PHF20: variants seen among roughly 807,000 people sequenced by gnomAD.
PHF20 encodes glioma-expressed antigen 2.
A neutral mutation model predicts 113.5 loss-of-function variants in PHF20; 23 were observed. That is an observed-to-expected ratio of 0.20 (90% confidence interval 0.15 to 0.29). The LOEUF (loss-of-function observed/expected upper bound fraction) is 0.29, where lower values mean the gene tolerates loss of function less well. Ranked by LOEUF, PHF20 falls within the 10% of genes least tolerant of loss-of-function variation. The probability of loss-of-function intolerance (pLI) is 1.00; values close to 1 mark genes in which losing one functional copy is unlikely to be tolerated. For synonymous variants in PHF20, 434 were observed against 457.3 expected, an observed-to-expected ratio of 0.95 and a Z score of 0.65; for missense variants, 943 against 1,219.6, an observed-to-expected ratio of 0.77 and a Z score of 3.38.
intron 2 of PHF20, among the ~76,000 whole-genome samples, chr20:35,820,946 A>C (rs2042157988): frequency 6.6e-6 from 1 of 152,066 alleles, no homozygotes; most frequent in Non-Finnish European, 1.5e-5. Flanking sequence ...GCCCTGGCGT[A>C]GGAGCAAGCA....
chr20:35,817,561 A>G lies in PHF20; in HGVS notation c.83+15956A>G, dbSNP rs1850613758. On this transcript the variant is annotated intron_variant, in intron 2 of 17. Transcript: ENST00000374012. ...TGCAATCCCAGCACTTTGGGAGGCC[A>G]AGGTGGGCATATTGCTTTGAGCTCA... Among the ~76,000 whole-genome samples, 2 of 151,892 alleles carry G rather than the reference A, an allele frequency of 1.3e-5. 1 individual carries two copies. The highest frequency in any genetic ancestry group is 3.9e-4 in the East Asian group (2 of 5,140).
intron 2 of PHF20, among the ~76,000 whole-genome samples, chr20:35,830,092 T>C (rs1956123336): frequency 6.6e-6 from 1 of 152,052 alleles, no homozygotes; most frequent in African/African-American, 2.4e-5. Flanking sequence ...TTTTTGTATT[T>C]TAGTAGAGAC....
chr20:35,838,402 T>C (rs374605244), intron 2 of PHF20: 7 of 152,304 alleles, frequency 4.6e-5, no homozygotes, highest in African/African-American at 1.7e-4. Flanking sequence ...ACCGGGTTAC[T>C]TGATCCTCCT....
At chr20:35,823,528 G>T (rs2042209428) in intron 2 of PHF20, among the ~76,000 whole-genome samples, 2 of 150,880 alleles carry the variant, frequency 1.3e-5, no homozygotes, top group Admixed American at 1.3e-4. Context: ...GGAGGCTGGG[G>T]TGGGAGGAAG....
chr20:35,856,083 A>G (rs1004618166), intron 4 of PHF20, among the ~76,000 whole-genome samples: 4 of 151,998 alleles, frequency 2.6e-5, no homozygotes, highest in African/African-American at 9.6e-5. Context: ...CCCCTTAACC[A>G]TCGACACGTT....
intron 10 of PHF20, among the ~76,000 whole-genome samples, chr20:35,903,612 G>A (rs2055144883): frequency 6.6e-6 from 1 of 152,150 alleles, no homozygotes; most frequent in Non-Finnish European, 1.5e-5. Context: ...TTACCCAAAT[G>A]TATCTCCCAT....
At chr20:35,807,411 A>G (rs1003242217) in intron 2 of PHF20, among the ~76,000 whole-genome samples, 1 of 141,530 alleles carries the variant, frequency 7.1e-6, no homozygotes, top group Non-Finnish European at 1.5e-5. Flanking sequence ...AAAGTGCAGT[A>G]GAGCGATTTG....
intron 6 of PHF20, 79 bp downstream of exon 6, chr20:35,863,479 T>C (rs1360643957): frequency 6.7e-6 from 9 of 1,348,766 alleles, no homozygotes; most frequent in Middle Eastern, 1.9e-4. Flanking sequence ...TTGTAACTTG[T>C]GTACGTCAAT....
At chr20:35,829,231 A>G (rs550251000) in intron 2 of PHF20, among the ~76,000 whole-genome samples, 38 of 152,342 alleles carry the variant, frequency 2.5e-4, no homozygotes, top group African/African-American at 8.7e-4. Flanking sequence ...TAAAATACAT[A>G]CAACATAAAA....
intron 3 of PHF20, among the ~76,000 whole-genome samples, chr20:35,847,056 G>T (rs2042637216): frequency 6.6e-6 from 1 of 152,180 alleles, no homozygotes; most frequent in African/African-American, 2.4e-5. Flanking sequence ...ACTCCTGTGA[G>T]ACAGCATTAA....
In PHF20 at chr20:35,948,676, A is replaced by G. The variant is rs2056127591; in HGVS notation, c.*1049A>G. 1 of 152,664 alleles carries G rather than the reference A, an allele frequency of 6.6e-6. No homozygotes were observed. Among genetic ancestry groups the G allele is most frequent in the Non-Finnish European group, 1.5e-5 (1 of 68,044 alleles). 9.5% of individuals were successfully genotyped at this position (152,664 alleles called of 1,614,324 possible). A position where few individuals can be genotyped will look rare whatever the true frequency, so the allele number is the denominator to read the frequency against. On this transcript the variant is annotated 3_prime_UTR_variant, in exon 18 of 18. Coordinates refer to ENST00000374012, the MANE Select transcript of PHF20 (RefSeq NM_016436.5). Reference sequence around the variant, plus strand: ...AAGGTGATCATGCTGCTTAAGGTCCAGGTACAACCTATTTGTACCTTTTGA... The same window carrying G: ...AAGGTGATCATGCTGCTTAAGGTCCGGGTACAACCTATTTGTACCTTTTGA...
intron 9 of PHF20, among the ~76,000 whole-genome samples, chr20:35,887,319 T>G (rs2054752690): frequency 6.6e-6 from 1 of 152,144 alleles, no homozygotes; most frequent in South Asian, 2.1e-4. Context: ...ACAGTTTCTG[T>G]GGGTGAGGAG....
chr20:35,896,995 G>T (rs2054998191), intron 9 of PHF20, among the ~76,000 whole-genome samples: 1 of 151,642 alleles, frequency 6.6e-6, no homozygotes, highest in Non-Finnish European at 1.5e-5. Flanking sequence ...GCAGTCTCTG[G>T]GTCCTTTTTG....
At chr20:35,883,555 G>C (rs1011590139) in intron 9 of PHF20, among the ~76,000 whole-genome samples, 1 of 152,114 alleles carries the variant, frequency 6.6e-6, no homozygotes, top group Non-Finnish European at 1.5e-5. Context: ...CCTCCCCACT[G>C]TTCAGCCTCC....
rs2146991712 is a variant in PHF20, at chr20:35,872,019, G to C, written c.1282+190G>C. 4 of 390,484 alleles carry C rather than the reference G, an allele frequency of 1.0e-5. No individual in the cohort carries two copies. In the East Asian group the frequency reaches 1.5e-4, roughly 15 times the overall value. 24.2% of individuals were successfully genotyped at this position (390,484 alleles called of 1,614,324 possible). Reference sequence around the variant, plus strand: ...TGTGTTCCCTCTCTTAGTATGACTAGGGCTTTATCTATTTTGTTTTCAAAG... The same window carrying C: ...TGTGTTCCCTCTCTTAGTATGACTACGGCTTTATCTATTTTGTTTTCAAAG... On this transcript the variant is annotated intron_variant, in intron 9 of 17. Transcript: ENST00000374012.
intron 13 of PHF20, among the ~76,000 whole-genome samples, chr20:35,924,101 G>A (rs6060685): frequency 0.26 from 39,385 of 151,548 alleles, 6,123 homozygotes; most frequent in African/African-American, 0.44. Context: ...AGTCAGTGAT[G>A]TTAAGTACAT....
chr20:35,937,803 A>G (rs985783236), intron 15 of PHF20, among the ~76,000 whole-genome samples: 7 of 152,162 alleles, frequency 4.6e-5, no homozygotes, highest in African/African-American at 1.7e-4. Flanking sequence ...TTATGTTGGT[A>G]TCTTAATTGC....
rs1185536298 is a variant in PHF20 at position 35,884,273 on chromosome 20, C to T, written c.1282+12444C>T. Among the ~76,000 whole-genome samples the T allele has an allele frequency of 2.6e-5, 4 of 152,154 alleles. No individual in the cohort carries two copies. In the East Asian group the frequency reaches 5.8e-4, roughly 22 times the overall value. On this transcript the variant is annotated intron_variant, in intron 9 of 17. Transcript: ENST00000374012. ...ACTGTTTAGTGTTGCTTTCCTGAGTCGGTGCCATAGTCTTGCGTTTTTAAA... is the reference window on the plus strand; with the variant it reads ...ACTGTTTAGTGTTGCTTTCCTGAGTTGGTGCCATAGTCTTGCGTTTTTAAA...
chr20:35,831,271 C>T (rs2042353876), intron 2 of PHF20, among the ~76,000 whole-genome samples: 1 of 151,934 alleles, frequency 6.6e-6, no homozygotes, highest in African/African-American at 2.4e-5. Context: ...GTGATCCTCT[C>T]ACCTCAGCCT....
Sources: allele counts gnomAD v4.1 joint callset (sites outside exome capture counted in the v4.1 genomes callset), GRCh38; gene constraint gnomAD v4.1.1; transcripts MANE v1.5; gene names NCBI Gene and HGNC (gene_info 2026-07-23, HGNC 2026-07-21).